Variants in RASGRP3 observed in about 807,000 individuals in gnomAD.
The protein encoded by RASGRP3 is ras guanyl-releasing protein 3.
Under a neutral mutation model 82.7 loss-of-function variants are expected in RASGRP3, and 54 were observed. That is an observed-to-expected ratio of 0.65 (90% CI 0.52 to 0.82). The LOEUF is 0.82. Among genes scored for constraint, RASGRP3 ranks in the 40% least tolerant of loss-of-function variants. RASGRP3 has a pLI of 0.00. For synonymous variants in RASGRP3, 309 were observed against 300.5 expected, an observed-to-expected ratio of 1.03 and a Z score of -0.29; for missense variants, 861 against 828.9, an observed-to-expected ratio of 1.04 and a Z score of -0.48.
At chr2:33,470,819 CT>C (rs1259372055) in intron 2 of RASGRP3, among the ~76,000 whole-genome samples, 1 of 152,096 alleles carries the variant, frequency 6.6e-6, no homozygotes, top group South Asian at 2.1e-4. Flanking sequence ...GTTCACCTCA[CT>C]TTTTAATTAT....
At chr2:33,524,718 C>T (rs1331502138) in intron 9 of RASGRP3, among the ~76,000 whole-genome samples, 170 bp downstream of exon 9, 2 of 152,090 alleles carry the variant, frequency 1.3e-5, no homozygotes, top group African/African-American at 2.4e-5. Flanking sequence ...CAGCTGAGTC[C>T]ACCTGGAAAA....
chr2:33,460,017 G>A (rs1436900652), intron 2 of RASGRP3, among the ~76,000 whole-genome samples: 1 of 152,138 alleles, frequency 6.6e-6, no homozygotes, highest in African/African-American at 2.4e-5. Context: ...GAATAACTTT[G>A]CAATCCCAAT....
intron 4 of RASGRP3, among the ~76,000 whole-genome samples, chr2:33,518,840 C>G (rs1046294201): frequency 6.6e-6 from 1 of 151,866 alleles, no homozygotes; most frequent in Non-Finnish European, 1.5e-5. Flanking sequence ...TCTTGTTCCC[C>G]TGGAAGGTGT....
chr2:33,555,299 C>T (rs768304198), intron 14 of RASGRP3: 28 of 376,466 alleles, frequency 7.4e-5, no homozygotes, highest in Non-Finnish European at 1.3e-4. Flanking sequence ...TTTCCCATCC[C>T]GGCTCCCAGT....
At chr2:33,463,751 C>T (rs917943696) in intron 2 of RASGRP3, among the ~76,000 whole-genome samples, 9 of 151,806 alleles carry the variant, frequency 5.9e-5, no homozygotes, top group African/African-American at 1.9e-4. Flanking sequence ...AGGTGCCTGC[C>T]GCCACACCTG....
At chr2:33,462,732 G>A (rs749070387) in intron 2 of RASGRP3, among the ~76,000 whole-genome samples, 10 of 152,092 alleles carry the variant, frequency 6.6e-5, no homozygotes, top group African/African-American at 9.7e-5. Context: ...ATCAAATTGC[G>A]CCCCCACCTC....
chr2:33,524,581 A>G (rs772914552), intron 9 of RASGRP3, 33 bp downstream of exon 9: 8 of 1,465,906 alleles, frequency 5.5e-6, no homozygotes, highest in Non-Finnish European at 6.5e-6. Context: ...CAAAAGTAAA[A>G]AAATGCATTT....
At chr2:33,530,370 A>G (rs1170865005) in intron 10 of RASGRP3, among the ~76,000 whole-genome samples, 1 of 152,100 alleles carries the variant, frequency 6.6e-6, no homozygotes, top group African/African-American at 2.4e-5. Context: ...CAGTGCTTTA[A>G]CTTTCTGTAA....
intron 10 of RASGRP3, among the ~76,000 whole-genome samples, chr2:33,530,173 G>A (rs1395318888): frequency 6.6e-6 from 1 of 152,192 alleles, no homozygotes; most frequent in Admixed American, 6.5e-5. Context: ...CCACATGCCA[G>A]CATTGGAAGG....
chr2:33,548,381 AAAG>A lies in RASGRP3; in HGVS notation c.1395-1219_1395-1217del, dbSNP rs1553363579. Among the ~76,000 whole-genome samples, 6 of 128,042 alleles carry A rather than the reference AAAG, an allele frequency of 4.7e-5. No homozygotes were observed. The East Asian group carries it at 1.0e-3, about 22-fold the overall frequency. The allele number at this position is 128,042 out of a possible 152,430, so 84.0% of individuals were successfully genotyped here. A position where few individuals can be genotyped will look rare whatever the true frequency, so the allele number is the denominator to read the frequency against. On this transcript the variant is annotated intron_variant, in intron 13 of 17. Transcript: ENST00000403687. ...GTCTCAAAAAAAAAAAAAAAAAAAAAAAGAAGGTAGAAAGAAAAGACATCTGTT... is the reference window on the plus strand; with the variant it reads ...GTCTCAAAAAAAAAAAAAAAAAAAAAAAGGTAGAAAGAAAAGACATCTGTT...
chr2:33,517,968 A>G (rs752131673), intron 4 of RASGRP3, among the ~76,000 whole-genome samples: 5 of 152,218 alleles, frequency 3.3e-5, no homozygotes, highest in African/African-American at 4.8e-5. Flanking sequence ...AGCTCAATAA[A>G]TATTTGTTAA....
chr2:33,552,310 T>C (rs987187385), intron 14 of RASGRP3, among the ~76,000 whole-genome samples: 2 of 152,232 alleles, frequency 1.3e-5, no homozygotes, highest in Admixed American at 1.3e-4. Context: ...GGTCTATTTC[T>C]ATCTGTAAAA....
chr2:33,523,789 C>A (rs1208340728), intron 7 of RASGRP3, 90 bp from the exon 8 acceptor site: 1 of 1,259,770 alleles, frequency 7.9e-7, no homozygotes, highest in Non-Finnish European at 1.1e-6. Context: ...TGTTACGAAA[C>A]AATATCTCAC....
In RASGRP3 at chr2:33,562,908, C is replaced by T; in HGVS notation, c.*171C>T. The T allele has an allele frequency of 7.8e-6, 5 of 645,052 alleles. No individual in the cohort carries two copies. The highest frequency in any genetic ancestry group is 1.2e-5 in the Non-Finnish European group (5 of 431,800). The allele number at this position is 645,052 out of a possible 1,614,324, so 40.0% of individuals were successfully genotyped here. A position where few individuals can be genotyped will look rare whatever the true frequency, so the allele number is the denominator to read the frequency against. Reference sequence around the variant, plus strand: ...TTTGGACTATGGGACAGAGAATTGACCCTAACTAACTAACTATGAACTATT... The same window carrying T: ...TTTGGACTATGGGACAGAGAATTGATCCTAACTAACTAACTATGAACTATT... On this transcript the variant is annotated 3_prime_UTR_variant, in exon 18 of 18. Transcript: ENST00000403687.
At chr2:33,508,255 T>C (rs1670587584) in intron 1 of RASGRP3, among the ~76,000 whole-genome samples, 1 of 152,118 alleles carries the variant, frequency 6.6e-6, no homozygotes, top group Admixed American at 6.5e-5. Flanking sequence ...TTAAATGATT[T>C]CCCTTGATCA....
At chr2:33,443,621 C>G (rs749390725) in intron 1 of RASGRP3, among the ~76,000 whole-genome samples, 2 of 151,198 alleles carry the variant, frequency 1.3e-5, no homozygotes, top group Non-Finnish European at 2.9e-5. Flanking sequence ...AAATACATAC[C>G]TGTAATCCCA....
chr2:33,558,442 G>A (rs1334145102), intron 16 of RASGRP3, 106 bp downstream of exon 16: 17 of 1,529,520 alleles, frequency 1.1e-5, no homozygotes, highest in Non-Finnish European at 1.4e-5. Context: ...CACTCTAAAC[G>A]CTAAGGCCTT....
upstream of RASGRP3, among the ~76,000 whole-genome samples, chr2:33,474,070 G>T (rs1222554016): frequency 6.6e-6 from 1 of 152,104 alleles, no homozygotes; most frequent in African/African-American, 2.4e-5. Context: ...ATGCTCCCTT[G>T]ACTGCTGCTC....
At chr2:33,452,387 C>T (rs1258566054) in intron 2 of RASGRP3, among the ~76,000 whole-genome samples, 3 of 152,192 alleles carry the variant, frequency 2.0e-5, no homozygotes. Flanking sequence ...ACCAGTCTAT[C>T]TAGAGATTCT....
Sources: gnomAD v4.1 joint callset for allele counts (sites outside exome capture counted in the v4.1 genomes callset) on GRCh38, gnomAD v4.1.1 for gene constraint, MANE v1.5 for transcripts, NCBI Gene and HGNC (gene_info 2026-07-23, HGNC 2026-07-21) for gene names.